NRXN3: variants seen among roughly 807,000 people sequenced by gnomAD.
NRXN3 encodes neurexin 3, also known as neurexin III.
NRXN3 carries 32 observed loss-of-function variants against 137.6 expected under a neutral mutation model. The observed-to-expected ratio is 0.23, with a 90% confidence interval of 0.18 to 0.31. The LOEUF (loss-of-function observed/expected upper bound fraction) is 0.31, where lower values mean the gene tolerates loss of function less well. Among genes scored for constraint, NRXN3 ranks in the 10% least tolerant of loss-of-function variants. The pLI is 1.00. For missense variants in NRXN3, 1,574 were observed against 2,062.5 expected, an observed-to-expected ratio of 0.76 and a Z score of 4.59; for synonymous variants, 798 against 784.5, an observed-to-expected ratio of 1.02 and a Z score of -0.29.
At chr14:78,894,754 A>T (rs775365004) in intron 10 of NRXN3, among the ~76,000 whole-genome samples, 39 of 151,960 alleles carry the variant, frequency 2.6e-4, no homozygotes, top group Non-Finnish European at 4.6e-4. Context: ...GAAAGTTGAA[A>T]TTATTCCTTG....
chr14:79,057,573 T>C (rs2099667438), intron 15 of NRXN3, among the ~76,000 whole-genome samples: 1 of 152,160 alleles, frequency 6.6e-6, no homozygotes, highest in Non-Finnish European at 1.5e-5. Flanking sequence ...TGGTAGATTT[T>C]AGAATGAGCT....
At chr14:78,403,934 G>A (rs2092301222) in intron 4 of NRXN3, 1 of 959,324 alleles carries the variant, frequency 1.0e-6, no homozygotes, top group Non-Finnish European at 1.2e-6. Context: ...CGGTGGGGGT[G>A]GGCTGTTCCC....
At chr14:79,544,477 A>C (rs1009532232) in intron 16 of NRXN3, among the ~76,000 whole-genome samples, 6 of 152,196 alleles carry the variant, frequency 3.9e-5, no homozygotes, top group Non-Finnish European at 8.8e-5. Context: ...GAAAAGCAGC[A>C]TGATGGCCAT....
At chr14:79,748,934 T>C (rs2098988317) in intron 19 of NRXN3, among the ~76,000 whole-genome samples, 1 of 151,834 alleles carries the variant, frequency 6.6e-6, no homozygotes, top group Non-Finnish European at 1.5e-5. Flanking sequence ...GCAGGCTAAA[T>C]TGAAAGGGAG....
chr14:79,709,079 A>G (rs1312665026), intron 19 of NRXN3, among the ~76,000 whole-genome samples: 2 of 152,108 alleles, frequency 1.3e-5, no homozygotes, highest in Non-Finnish European at 2.9e-5. Context: ...GTGTATACAG[A>G]TCACCTGGGT....
intron 15 of NRXN3, among the ~76,000 whole-genome samples, chr14:79,164,164 T>A (rs1393295947): frequency 6.6e-6 from 1 of 152,006 alleles, no homozygotes; most frequent in Non-Finnish European, 1.5e-5. Context: ...TCACTTCTTC[T>A]TCTTAGGATA....
rs1395262737 is a variant in NRXN3 at position 79,064,301 on chromosome 14, A to G, written c.3262+76160A>G. On this transcript the variant is annotated intron_variant, in intron 15 of 20. Transcript: ENST00000335750. ...TAAAAACCAGGTTTAAGAGAACACT[A>G]AGTTTTTTTTTCAGTGTTGTTCACG... Among the ~76,000 whole-genome samples, 3 of 152,118 alleles carry G rather than the reference A, an allele frequency of 2.0e-5. No individual in the cohort carries two copies. The East Asian group carries it at 5.8e-4, about 29-fold the overall frequency.
chr14:79,704,514 CCT>C (rs1221054155), intron 19 of NRXN3, among the ~76,000 whole-genome samples: 1 of 152,118 alleles, frequency 6.6e-6, no homozygotes, highest in Non-Finnish European at 1.5e-5. Context: ...GTTTTCATCT[CCT>C]TGCTTTTACC....
At chr14:78,817,294 A>G (rs1363452275) in intron 10 of NRXN3, among the ~76,000 whole-genome samples, 1 of 152,222 alleles carries the variant, frequency 6.6e-6, no homozygotes, top group Non-Finnish European at 1.5e-5. Context: ...AATAAAGGGA[A>G]TGGGATCTAG....
chr14:78,855,860 T>G (rs2099055679), intron 10 of NRXN3, among the ~76,000 whole-genome samples: 2 of 152,214 alleles, frequency 1.3e-5, no homozygotes, highest in African/African-American at 2.4e-5. Context: ...TCATAGTATT[T>G]CATCTGTAAT....
At chr14:79,571,187 G>C (rs2097597271) in intron 16 of NRXN3, among the ~76,000 whole-genome samples, 1 of 152,070 alleles carries the variant, frequency 6.6e-6, no homozygotes. Flanking sequence ...GAGACTTTAG[G>C]TACGCTGTGG....
intron 10 of NRXN3, among the ~76,000 whole-genome samples, chr14:78,905,788 A>C (rs1014037307): frequency 3.9e-5 from 6 of 152,056 alleles, no homozygotes; most frequent in Non-Finnish European, 8.8e-5. Flanking sequence ...GATAATCCAT[A>C]ATCTGTCGAG....
At chr14:79,634,878 C>A (rs1027185338) in intron 16 of NRXN3, among the ~76,000 whole-genome samples, 1 of 152,176 alleles carries the variant, frequency 6.6e-6, no homozygotes, top group Non-Finnish European at 1.5e-5. Context: ...ATTCTAAGAT[C>A]GACCTTTTTA....
At chr14:78,341,317 G>C (rs2082125471) in intron 4 of NRXN3, among the ~76,000 whole-genome samples, 1 of 152,128 alleles carries the variant, frequency 6.6e-6, no homozygotes, top group African/African-American at 2.4e-5. Flanking sequence ...GTTTGGGGTA[G>C]GGCCCAAGAT....
chr14:79,726,484 CAGA>C (rs1476845743), intron 19 of NRXN3, among the ~76,000 whole-genome samples: 5 of 152,114 alleles, frequency 3.3e-5, no homozygotes, highest in African/African-American at 1.2e-4. Context: ...TTAAATCCCC[CAGA>C]AGAACTACTA....
At chr14:79,454,808 T>C (rs1397389676) in intron 15 of NRXN3, among the ~76,000 whole-genome samples, 1 of 152,200 alleles carries the variant, frequency 6.6e-6, no homozygotes, top group African/African-American at 2.4e-5. Flanking sequence ...AAAAAAATCC[T>C]GAGTAAAATT....
intron 15 of NRXN3, among the ~76,000 whole-genome samples, chr14:79,122,196 C>T (rs150979339): frequency 1.3e-4 from 20 of 152,260 alleles, no homozygotes; most frequent in East Asian, 5.8e-4. Context: ...TGGTTGTTAA[C>T]GTGAAGGTTT....
intron 10 of NRXN3, among the ~76,000 whole-genome samples, chr14:78,928,399 A>G (rs1293939740): frequency 6.6e-6 from 1 of 152,084 alleles, no homozygotes; most frequent in Non-Finnish European, 1.5e-5. Flanking sequence ...TGCCGCACCC[A>G]GTAACTCGTC....
intron 15 of NRXN3, among the ~76,000 whole-genome samples, chr14:79,040,836 T>C (rs2099623858): frequency 6.6e-6 from 1 of 152,138 alleles, no homozygotes; most frequent in Non-Finnish European, 1.5e-5. Context: ...CCATATTGCT[T>C]TGTTCCCCTT....
Sources: gnomAD v4.1 joint callset for allele counts (sites outside exome capture counted in the v4.1 genomes callset) on GRCh38, gnomAD v4.1.1 for gene constraint, MANE v1.5 for transcripts, NCBI Gene and HGNC (gene_info 2026-07-23, HGNC 2026-07-21) for gene names.